The following CADM1 variants were observed in gnomAD, a reference collection of about 807,000 sequenced individuals.
CADM1 encodes cell adhesion molecule 1.
Under a neutral mutation model 53.1 loss-of-function variants are expected in CADM1, and 15 were observed. That is an observed-to-expected ratio of 0.28 (90% CI 0.19 to 0.44). The LOEUF (loss-of-function observed/expected upper bound fraction) is 0.44, where lower values mean the gene tolerates loss of function less well. Ranked by LOEUF, CADM1 falls within the 20% of genes least tolerant of loss-of-function variation. The pLI, the probability that CADM1 is intolerant of heterozygous loss-of-function variation, is 1.00. For synonymous variants in CADM1, 281 were observed against 243.0 expected (o/e 1.16, Z -1.45); for missense variants, 434 against 611.3 (o/e 0.71, Z 3.06).
chr11:115,497,771 G>A (rs1949651575), intron 1 of CADM1, among the ~76,000 whole-genome samples: 2 of 152,162 alleles, frequency 1.3e-5, no homozygotes, highest in Non-Finnish European at 2.9e-5. Context: ...AATCGTGAAT[G>A]TAGGCATTCC....
chr11:115,395,647 G>T (rs220872), intron 1 of CADM1, among the ~76,000 whole-genome samples: 7 of 151,888 alleles, frequency 4.6e-5, no homozygotes, highest in African/African-American at 1.5e-4. Flanking sequence ...GCCAGCAATC[G>T]GAGATGTTTG....
At position 115,171,690 on chromosome 11, in the gene CADM1, AG is replaced by A. The variant is rs1938795822; in HGVS notation, c.*4783del. On this transcript the variant is annotated 3_prime_UTR_variant, in exon 12 of 12. Coordinates refer to ENST00000331581, the MANE Select transcript of CADM1 (RefSeq NM_001301043.2). ...ACCACCTCCTGTCTGCCTCAGCTCA[AG>A]GAACTTCTGGGACTTTTTTCTGTAG... 6.6e-6 allele frequency: 1 copy of A among 152,252 alleles called. No homozygotes were observed. The highest frequency in any genetic ancestry group is 2.1e-4 in the South Asian group (1 of 4,828). The allele number at this position is 152,252 out of a possible 1,614,324, so 9.4% of individuals were successfully genotyped here. A position where few individuals can be genotyped will look rare whatever the true frequency, so the allele number is the denominator to read the frequency against.
chr11:115,273,306 G>A (rs1468910672), intron 1 of CADM1, among the ~76,000 whole-genome samples: 1 of 152,200 alleles, frequency 6.6e-6, no homozygotes, highest in Non-Finnish European at 1.5e-5. Flanking sequence ...CTATACTACA[G>A]TGGTGGTTTA....
At chr11:115,380,991 T>C (rs577924661) in intron 1 of CADM1, among the ~76,000 whole-genome samples, 2 of 152,234 alleles carry the variant, frequency 1.3e-5, no homozygotes, top group East Asian at 3.9e-4. Context: ...TTCCCTTTCA[T>C]ACAAACCTTA....
At chr11:115,486,533 C>T (rs1949376917) in intron 1 of CADM1, among the ~76,000 whole-genome samples, 1 of 151,712 alleles carries the variant, frequency 6.6e-6, no homozygotes, top group Non-Finnish European at 1.5e-5. Context: ...CTTGTAGAGA[C>T]GGGGTCTCAC....
rs576504549 is a variant in CADM1, at chr11:115,295,744, C to T, written c.125-55324G>A. ...GCATGATTTCTCATAGAATTACTCTCTCCAGGTTTTTGATCAAACTAGCCT... is the reference window on the plus strand; with the variant it reads ...GCATGATTTCTCATAGAATTACTCTTTCCAGGTTTTTGATCAAACTAGCCT... On this transcript the variant is annotated intron_variant, in intron 1 of 11. Coordinates refer to ENST00000331581, the MANE Select transcript of CADM1 (RefSeq NM_001301043.2). Among the ~76,000 whole-genome samples, 6 of 151,734 alleles carry T rather than the reference C, an allele frequency of 4.0e-5. No homozygotes were observed. The South Asian group carries it at 1.3e-3, about 32-fold the overall frequency.
At chr11:115,457,219 T>A (rs894714067) in intron 1 of CADM1, among the ~76,000 whole-genome samples, 5 of 152,172 alleles carry the variant, frequency 3.3e-5, no homozygotes, top group African/African-American at 9.7e-5. Context: ...AGAGTCAGAA[T>A]CCAAATCCAG....
At chr11:115,473,193 TCA>T (rs1591281616) in intron 1 of CADM1, among the ~76,000 whole-genome samples, 1 of 152,216 alleles carries the variant, frequency 6.6e-6, no homozygotes, top group East Asian at 1.9e-4. Context: ...GCATGATGGC[TCA>T]CGTGTATAAT....
chr11:115,455,371 A>G (rs562999920), intron 1 of CADM1, among the ~76,000 whole-genome samples: 4 of 152,114 alleles, frequency 2.6e-5, no homozygotes, highest in Non-Finnish European at 5.9e-5. Flanking sequence ...AGTATCTCTA[A>G]GAAAAGAGGT....
chr11:115,295,549 T>TATATATAA lies in CADM1; in HGVS notation c.125-55130_125-55129insTTATATAT, dbSNP rs1242865488. On this transcript the variant is annotated intron_variant, in intron 1 of 11. Transcript: ENST00000331581. ...ATATATATATATATATATATATATATAATATATATGTATATGCACATATAT... is the reference window on the plus strand; with the variant it reads ...ATATATATATATATATATATATATATATATATAAAATATATATGTATATGCACATATAT... Among the ~76,000 whole-genome samples, 37 of 51,694 alleles carry TATATATAA rather than the reference T, an allele frequency of 7.2e-4. No homozygotes were observed. In the East Asian group the frequency reaches 0.017, roughly 24 times the overall value. 33.9% of individuals were successfully genotyped at this position (51,694 alleles called of 152,430 possible).
At chr11:115,463,508 A>G (rs1178074923) in intron 1 of CADM1, among the ~76,000 whole-genome samples, 2 of 152,220 alleles carry the variant, frequency 1.3e-5, no homozygotes, top group African/African-American at 4.8e-5. Flanking sequence ...CAACCTCAAA[A>G]GAGAATGAGA....
intron 1 of CADM1, among the ~76,000 whole-genome samples, chr11:115,409,457 C>T (rs559115162): frequency 1.7e-4 from 26 of 151,426 alleles, no homozygotes; most frequent in African/African-American, 6.1e-4. Context: ...ATTAGCATAC[C>T]AAAGAAAGGA....
chr11:115,236,403 A>G lies in CADM1; in HGVS notation c.424+2097T>C, dbSNP rs141158791. On this transcript the variant is annotated intron_variant, in intron 3 of 11. Transcript: ENST00000331581. Reference sequence around the variant, plus strand: ...CTAGAGTAAATTAAATGGAAAGAATATTAAGTGAATGAATAATATCTACAG... The same window carrying G: ...CTAGAGTAAATTAAATGGAAAGAATGTTAAGTGAATGAATAATATCTACAG... Among the ~76,000 whole-genome samples, 1,111 of 152,340 alleles carry G rather than the reference A, an allele frequency of 7.3e-3. 14 individuals carry two copies. The highest frequency in any genetic ancestry group is 0.024 in the African/African-American group (1,009 of 41,574).
chr11:115,407,873 TAAAAAAAAAAA>T (rs148209064), intron 1 of CADM1, among the ~76,000 whole-genome samples: 34 of 31,746 alleles, frequency 1.1e-3, no homozygotes, highest in African/African-American at 1.5e-3. Flanking sequence ...CCCTGTCATT[TAAAAAAAAAAA>T]AAAAAAAAAA....
chr11:115,311,942 C>T lies in CADM1; in HGVS notation c.125-71522G>A, dbSNP rs1006755998. Reference sequence around the variant, plus strand: ...TGTCATCAGATTAGTTTTCACCTATCGGCACAAGGATAAGATTTTCCTACT... The same window carrying T: ...TGTCATCAGATTAGTTTTCACCTATTGGCACAAGGATAAGATTTTCCTACT... On this transcript the variant is annotated intron_variant, in intron 1 of 11. Coordinates refer to ENST00000331581, the MANE Select transcript of CADM1 (RefSeq NM_001301043.2). 7.9e-5 allele frequency among the ~76,000 whole-genome samples: 12 copies of T among 152,230 alleles called. No individual in the cohort carries two copies. In the South Asian group the frequency reaches 1.0e-3, roughly 13 times the overall value.
intron 3 of CADM1, among the ~76,000 whole-genome samples, chr11:115,233,906 G>A (rs546061013): frequency 3.9e-5 from 6 of 152,290 alleles, no homozygotes; most frequent in South Asian, 4.1e-4. Flanking sequence ...CTGGCAACCC[G>A]GGAAATCCCT....
chr11:115,500,681 A>G (rs915451433), intron 1 of CADM1, among the ~76,000 whole-genome samples: 1 of 152,242 alleles, frequency 6.6e-6, no homozygotes, highest in African/African-American at 2.4e-5. Flanking sequence ...CATGTCATAG[A>G]AAAGTGACAT....
intron 1 of CADM1, among the ~76,000 whole-genome samples, chr11:115,495,400 G>A (rs1042853737): frequency 6.6e-6 from 1 of 152,136 alleles, no homozygotes; most frequent in African/African-American, 2.4e-5. Flanking sequence ...ATGCTGCATA[G>A]CCTTTTTCTA....
intron 1 of CADM1, among the ~76,000 whole-genome samples, chr11:115,250,904 T>C (rs1746370898): frequency 6.6e-6 from 1 of 152,222 alleles, no homozygotes; most frequent in Non-Finnish European, 1.5e-5. Flanking sequence ...ACAATTATAC[T>C]ATATTAATAA....
Sources: allele counts gnomAD v4.1 joint callset (sites outside exome capture counted in the v4.1 genomes callset), GRCh38; gene constraint gnomAD v4.1.1; transcripts MANE v1.5; gene names NCBI Gene and HGNC (gene_info 2026-07-23, HGNC 2026-07-21).